PTPRT: variants seen among roughly 807,000 people sequenced by gnomAD.
The protein encoded by PTPRT is protein tyrosine phosphatase receptor type T.
A neutral mutation model predicts 176.8 loss-of-function variants in PTPRT; 56 were observed. The observed-to-expected ratio is 0.32, with a 90% CI of 0.26 to 0.40. The LOEUF is 0.40. Among genes scored for constraint, PTPRT ranks in the 10% least tolerant of loss-of-function variants. PTPRT has a pLI of 1.00. For missense variants in PTPRT, 1,540 were observed against 1,908.2 expected, an observed-to-expected ratio of 0.81 and a Z score of 3.60; for synonymous variants, 783 against 739.0, an observed-to-expected ratio of 1.06 and a Z score of -0.96.
At chr20:42,642,129 C>T (rs1274880845) in intron 7 of PTPRT, among the ~76,000 whole-genome samples, 1 of 152,072 alleles carries the variant, frequency 6.6e-6, no homozygotes, top group Non-Finnish European at 1.5e-5. Context: ...CAAGTGAGTG[C>T]CAAATGGTCT....
chr20:42,693,246 C>T (rs2146126982), intron 6 of PTPRT, among the ~76,000 whole-genome samples: 1 of 152,230 alleles, frequency 6.6e-6, no homozygotes, highest in East Asian at 1.9e-4. Flanking sequence ...ATATTCCATG[C>T]TCATGAATTA....
intron 7 of PTPRT, among the ~76,000 whole-genome samples, chr20:42,567,305 G>GA (rs1209600876): frequency 2.2e-4 from 33 of 148,794 alleles, no homozygotes; most frequent in African/African-American, 7.7e-4. Flanking sequence ...GAGAGAGAGA[G>GA]AGAGAAAAAA....
At chr20:43,090,045 T>C (rs778839180) in intron 1 of PTPRT, among the ~76,000 whole-genome samples, 1 of 151,648 alleles carries the variant, frequency 6.6e-6, no homozygotes, top group Non-Finnish European at 1.5e-5. Context: ...CTCAGCAATC[T>C]GTGCCACCAC....
At chr20:42,372,826 G>A (rs1175921535) in intron 9 of PTPRT, among the ~76,000 whole-genome samples, 3 of 152,050 alleles carry the variant, frequency 2.0e-5, no homozygotes, top group Non-Finnish European at 2.9e-5. Context: ...TGCCATCTAC[G>A]AGAAAGAGAA....
intron 7 of PTPRT, among the ~76,000 whole-genome samples, chr20:42,520,921 TTATC>T (rs374465261): frequency 8.6e-5 from 13 of 151,396 alleles, no homozygotes; most frequent in African/African-American, 2.9e-4. Context: ...CCATATCTAT[TTATC>T]TATCTACCTA....
At chr20:42,269,742 A>G (rs182092823) in intron 13 of PTPRT, among the ~76,000 whole-genome samples, 2 of 152,342 alleles carry the variant, frequency 1.3e-5, no homozygotes, top group Admixed American at 6.5e-5. Flanking sequence ...CTGCATGTGT[A>G]CGGTCTACAA....
At chr20:42,823,301 A>T (rs6103054) in intron 2 of PTPRT, among the ~76,000 whole-genome samples, 1 of 152,016 alleles carries the variant, frequency 6.6e-6, no homozygotes, top group Non-Finnish European at 1.5e-5. Flanking sequence ...AAAACCAAAC[A>T]CCGCATGTTC....
intron 26 of PTPRT, among the ~76,000 whole-genome samples, chr20:42,101,153 C>G (rs1985897314): frequency 6.6e-6 from 1 of 152,164 alleles, no homozygotes; most frequent in African/African-American, 2.4e-5. Flanking sequence ...CTCATTATAT[C>G]AGGCAATGGT....
At chr20:42,161,232 C>G in intron 17 of PTPRT, 120 bp downstream of exon 17, 1 of 1,135,434 alleles carries the variant, frequency 8.8e-7, no homozygotes, top group South Asian at 1.4e-5. Flanking sequence ...GCATTTCCTA[C>G]ACGCTCCCAG....
At chr20:42,059,872 C>A in the PTPRT span, among the ~76,000 whole-genome samples, 488 of 152,260 alleles carry the variant, frequency 3.2e-3, 15 homozygotes, top group East Asian at 0.079. Flanking sequence ...ATATCCATAA[C>A]TCAAGTAATC....
intron 2 of PTPRT, among the ~76,000 whole-genome samples, chr20:42,821,031 G>A (rs2077883658): frequency 2.0e-5 from 3 of 152,104 alleles, no homozygotes; most frequent in Admixed American, 2.0e-4. Flanking sequence ...CCAAACAATT[G>A]AAAAGGAGGG....
chr20:42,417,648 A>C (rs758500005), intron 9 of PTPRT, among the ~76,000 whole-genome samples: 2 of 151,140 alleles, frequency 1.3e-5, no homozygotes, highest in Non-Finnish European at 2.9e-5. Flanking sequence ...AACTTCATTC[A>C]TACTTTGAAG....
intron 1 of PTPRT, among the ~76,000 whole-genome samples, chr20:43,146,076 C>A (rs754743665): frequency 6.6e-6 from 1 of 152,120 alleles, no homozygotes; most frequent in Non-Finnish European, 1.5e-5. Context: ...TAACTCTCAG[C>A]GAATGAGCAT....
intron 1 of PTPRT, among the ~76,000 whole-genome samples, chr20:42,940,922 A>G (rs974231270): frequency 3.3e-5 from 5 of 152,136 alleles, no homozygotes; most frequent in Admixed American, 6.5e-5. Flanking sequence ...TCTACTAAAA[A>G]TACAAAAAAA....
intron 27 of PTPRT, among the ~76,000 whole-genome samples, chr20:42,090,676 G>A (rs901017519): frequency 2.6e-5 from 4 of 152,282 alleles, no homozygotes; most frequent in African/African-American, 7.2e-5. Context: ...ATATAAGCAC[G>A]TAAGCATCTG....
chr20:42,375,656 C>A (rs184667287), intron 9 of PTPRT, among the ~76,000 whole-genome samples: 209 of 152,050 alleles, frequency 1.4e-3, no homozygotes, highest in Admixed American at 4.6e-3. Flanking sequence ...TATAACAGAA[C>A]AAAGGAACTA....
chr20:42,881,676 G>A (rs1313787618), intron 2 of PTPRT, among the ~76,000 whole-genome samples: 3 of 125,914 alleles, frequency 2.4e-5, no homozygotes, highest in African/African-American at 9.1e-5. Context: ...AGTGAGCTGA[G>A]ATAACGCCAC....
intron 6 of PTPRT, among the ~76,000 whole-genome samples, chr20:42,745,314 G>A (rs1350679959): frequency 6.6e-6 from 1 of 152,216 alleles, no homozygotes; most frequent in Non-Finnish European, 1.5e-5. Context: ...CGTCCTAGAT[G>A]AATAGTAGGG....
At chr20:42,070,342 C>T (rs1350654464), downstream of PTPRT, among the ~76,000 whole-genome samples, 1 of 151,472 alleles carries the variant, frequency 6.6e-6, no homozygotes, top group Non-Finnish European at 1.5e-5. Flanking sequence ...GACATGCGCT[C>T]ACACTCCAGG....
Sources: gnomAD v4.1 joint callset for allele counts (sites outside exome capture counted in the v4.1 genomes callset) on GRCh38, gnomAD v4.1.1 for gene constraint, MANE v1.5 for transcripts, NCBI Gene and HGNC (gene_info 2026-07-23, HGNC 2026-07-21) for gene names.